PCDHGA1: variants seen among roughly 807,000 people sequenced by gnomAD.
The protein encoded by PCDHGA1 is protocadherin gamma subfamily A, 1, also known as protocadherin gamma-A1.
Under a neutral mutation model 58.0 loss-of-function variants are expected in PCDHGA1, and 32 were observed. The observed-to-expected ratio is 0.55, with a 90% CI of 0.42 to 0.74. The LOEUF (loss-of-function observed/expected upper bound fraction) is 0.74. Among genes scored for constraint, PCDHGA1 ranks in the 30% least tolerant of loss-of-function variants. The pLI is 0.00. For synonymous variants in PCDHGA1, 498 were observed against 501.1 expected (o/e 0.99, Z 0.08); for missense variants, 1,205 against 1,182.3 (o/e 1.02, Z -0.28).
chr5:141,466,984 C>A (rs2099133455), intron 1 of PCDHGA1, among the ~76,000 whole-genome samples: 1 of 151,586 alleles, frequency 6.6e-6, no homozygotes, highest in Non-Finnish European at 1.5e-5. Context: ...CATCATTTAC[C>A]TTTTGGCATT....
At chr5:141,407,881 C>T in intron 1 of PCDHGA1, 2 of 375,244 alleles carry the variant, frequency 5.3e-6, no homozygotes, top group Non-Finnish European at 9.5e-6. Context: ...ATATACATTT[C>T]GGAGACCGAA....
At position 141,404,694 on chromosome 5, in the gene PCDHGA1, C is replaced by G. The variant is rs749803871; in HGVS notation, c.2421+71589C>G. 3.1e-6 allele frequency: 5 copies of G among 1,613,998 alleles called. No individual in the cohort carries two copies. In the Admixed American group the frequency reaches 5.0e-5, roughly 16 times the overall value. On this transcript the variant is annotated intron_variant, in intron 1 of 3. Coordinates refer to ENST00000517417, the MANE Select transcript of PCDHGA1 (RefSeq NM_018912.3). ...ACTGGTGTGGAGCTGGCACCCCGCT[C>G]TGCAGAGCCTGGCTACCTGGTGACC...
chr5:141,474,105 C>A (rs1292743515), intron 1 of PCDHGA1, among the ~76,000 whole-genome samples: 1 of 152,036 alleles, frequency 6.6e-6, no homozygotes, highest in African/African-American at 2.4e-5. Flanking sequence ...ACAACAAAAA[C>A]AACAACAACG....
Position 141,374,841 on chromosome 5 carries a change from A to T in PCDHGA1, c.2421+41736A>T, listed in dbSNP as rs1770885287. 8 of 1,613,862 alleles carry T rather than the reference A, an allele frequency of 5.0e-6. No individual in the cohort carries two copies. The East Asian group carries it at 1.8e-4, about 36-fold the overall frequency. ...CCTGTCTACCGTGTAAGTGTTCCTGAAAACCTGCCAGTAGGCACACCAGTG... is the reference window on the plus strand; with the variant it reads ...CCTGTCTACCGTGTAAGTGTTCCTGTAAACCTGCCAGTAGGCACACCAGTG... On this transcript the variant is annotated intron_variant, in intron 1 of 3. Coordinates refer to ENST00000517417, the MANE Select transcript of PCDHGA1 (RefSeq NM_018912.3).
intron 1 of PCDHGA1, chr5:141,365,694 C>A (rs757316678): frequency 5.0e-6 from 8 of 1,613,466 alleles, no homozygotes; most frequent in South Asian, 1.1e-5. Flanking sequence ...TTCCCTCAAG[C>A]CTCCTACTCC....
chr5:141,346,244 C>G (rs375085778), intron 1 of PCDHGA1: 1 of 1,614,216 alleles, frequency 6.2e-7, no homozygotes, highest in East Asian at 2.2e-5. Flanking sequence ...GTACGCCCGG[C>G]TCGCACTTTG....
At chr5:141,406,957 G>A (rs184355186) in intron 1 of PCDHGA1, among the ~76,000 whole-genome samples, 69 of 152,242 alleles carry the variant, frequency 4.5e-4, no homozygotes, top group African/African-American at 1.6e-3. Context: ...ACATAGTGTT[G>A]TTTCAAATAG....
At chr5:141,374,343 C>T in intron 1 of PCDHGA1, 2 of 1,613,990 alleles carry the variant, frequency 1.2e-6, no homozygotes, top group Non-Finnish European at 1.7e-6. Context: ...TTGGTCACCG[C>T]GGGTAGGATA....
intron 1 of PCDHGA1, chr5:141,418,010 G>A: frequency 6.2e-7 from 1 of 1,613,914 alleles, no homozygotes; most frequent in African/African-American, 1.3e-5. Flanking sequence ...GGGGAACCTC[G>A]CTAAGGATCT....
At chr5:141,417,955 G>C in intron 1 of PCDHGA1, 2 of 1,613,634 alleles carry the variant, frequency 1.2e-6, no homozygotes, top group Middle Eastern at 1.7e-4. Flanking sequence ...TGTGTGAGCC[G>C]ATCCGCTACT....
At chr5:141,402,491 A>T (rs1186098298) in intron 1 of PCDHGA1, among the ~76,000 whole-genome samples, 1 of 152,242 alleles carries the variant, frequency 6.6e-6, no homozygotes, top group Non-Finnish European at 1.5e-5. Flanking sequence ...TCTACCAAGA[A>T]TAAGAATAAA....
At chr5:141,388,800 G>T (rs1193679536) in intron 1 of PCDHGA1, 1 of 1,613,896 alleles carries the variant, frequency 6.2e-7, no homozygotes, top group Non-Finnish European at 8.5e-7. Context: ...AAATACATTA[G>T]ATTTTGAAGA....
At chr5:141,398,643 C>T (rs746159571) in intron 1 of PCDHGA1, 1 of 1,614,024 alleles carries the variant, frequency 6.2e-7, no homozygotes, top group Admixed American at 1.7e-5. Context: ...AGTATAAACT[C>T]TCTCTTAACC....
At chr5:141,469,992 G>A (rs894673835) in intron 1 of PCDHGA1, among the ~76,000 whole-genome samples, 10 of 152,054 alleles carry the variant, frequency 6.6e-5, no homozygotes, top group South Asian at 2.1e-4. Context: ...TTAGCTGGTC[G>A]TCGTGGCACG....
At chr5:141,438,960 C>A (rs1398478011) in intron 1 of PCDHGA1, among the ~76,000 whole-genome samples, 1 of 151,940 alleles carries the variant, frequency 6.6e-6, no homozygotes, top group Non-Finnish European at 1.5e-5. Flanking sequence ...GCCACCGCAC[C>A]CTGCCAACTG....
chr5:141,441,825 C>A, intron 1 of PCDHGA1: 1 of 357,252 alleles, frequency 2.8e-6, no homozygotes, highest in Non-Finnish European at 5.5e-6. Flanking sequence ...CTCTGGAGCG[C>A]AATGGCTTCG....
chr5:141,428,423 G>C (rs939814279), intron 1 of PCDHGA1: 1 of 440,550 alleles, frequency 2.3e-6, no homozygotes, highest in Non-Finnish European at 4.3e-6. Flanking sequence ...CCTGGTCTCT[G>C]TTCTAAGACT....
At chr5:141,413,271 C>T in intron 1 of PCDHGA1, 1 of 1,613,940 alleles carries the variant, frequency 6.2e-7, no homozygotes, top group Non-Finnish European at 8.5e-7. Flanking sequence ...AGGCTGGAGC[C>T]CGGCAGATCT....
In PCDHGA1 at chr5:141,394,544, G is replaced by A. The variant is rs759661980; in HGVS notation, c.2421+61439G>A. 2.5e-6 allele frequency: 4 copies of A among 1,614,054 alleles called. No individual in the cohort carries two copies. In the South Asian group the frequency reaches 3.3e-5, roughly 13 times the overall value. ...CAGACGGTTCCACTGGCGTGGAGCT[G>A]GCGCCCCGCTCCGCAGAGCGTGGCT... On this transcript the variant is annotated intron_variant, in intron 1 of 3. Coordinates refer to ENST00000517417, the MANE Select transcript of PCDHGA1 (RefSeq NM_018912.3).
Sources: allele counts gnomAD v4.1 joint callset (sites outside exome capture counted in the v4.1 genomes callset), GRCh38; gene constraint gnomAD v4.1.1; transcripts MANE v1.5; gene names NCBI Gene and HGNC (gene_info 2026-07-23, HGNC 2026-07-21).